The following MYBPC1 variants were observed in gnomAD, a reference collection of about 807,000 sequenced individuals.
MYBPC1 encodes the protein myosin-binding protein C, slow-type.
In MYBPC1, 52 loss-of-function variants were observed where a neutral mutation model predicts 147.1. The ratio of observed to expected loss-of-function variants is 0.35; its 90% CI spans 0.28 to 0.45. MYBPC1 has a LOEUF of 0.45. MYBPC1 is among the 20% of genes least tolerant of loss of function. The pLI is 1.00. For synonymous variants in MYBPC1, 477 were observed against 475.9 expected (o/e 1.00, Z -0.03); for missense variants, 1,228 against 1,440.3 (o/e 0.85, Z 2.39).
In MYBPC1 at chr12:101,667,715, T is replaced by C. The variant is rs1897748834; in HGVS notation, c.2357-17T>C. Reference sequence around the variant, plus strand: ...ACAGCATTCCTCCTTCTTTTCCTTTTCTTTTACGGACTTCAGCTGAGGACT... The same window carrying C: ...ACAGCATTCCTCCTTCTTTTCCTTTCCTTTTACGGACTTCAGCTGAGGACT... On this transcript the variant is annotated splice_polypyrimidine_tract_variant and intron_variant, in intron 22 of 31. Coordinates refer to ENST00000361466, the MANE Select transcript of MYBPC1 (RefSeq NM_002465.4). 6.2e-7 allele frequency: 1 copy of C among 1,614,152 alleles called. No individual in the cohort carries two copies. Among genetic ancestry groups the C allele is most frequent in the Non-Finnish European group, 8.5e-7 (1 of 1,180,002 alleles).
At position 101,627,921 on chromosome 12, in the gene MYBPC1, G is replaced by C. The variant is rs1420794599; in HGVS notation, c.178+117G>C. 1.2e-5 allele frequency: 15 copies of C among 1,214,540 alleles called. No individual in the cohort carries two copies. The Admixed American group carries it at 2.4e-4, about 19-fold the overall frequency. 75.2% of individuals were successfully genotyped at this position (1,214,540 alleles called of 1,614,324 possible). A position where few individuals can be genotyped will look rare whatever the true frequency, so the allele number is the denominator to read the frequency against. ...GTCTTATTCAGATTGTAGTTTTTAC[G>C]GCAATCTTTCATTACGTTTCCTCTT... On this transcript the variant is annotated intron_variant, in intron 5 of 31. Transcript: ENST00000361466.
intron 2 of MYBPC1, among the ~76,000 whole-genome samples, chr12:101,616,773 T>C (rs768559392): frequency 6.6e-6 from 1 of 152,252 alleles, no homozygotes; most frequent in Non-Finnish European, 1.5e-5. Context: ...TTTTGTACTT[T>C]ACTAGAAAAT....
intron 11 of MYBPC1, among the ~76,000 whole-genome samples, chr12:101,642,897 A>G (rs1417407668): frequency 6.6e-6 from 1 of 152,158 alleles, no homozygotes; most frequent in Non-Finnish European, 1.5e-5. Context: ...TTACTTAAGC[A>G]GAGTGGACTC....
chr12:101,639,861 GGT>G (rs1891688747), intron 10 of MYBPC1, among the ~76,000 whole-genome samples: 1 of 151,582 alleles, frequency 6.6e-6, no homozygotes, highest in African/African-American at 2.4e-5. Flanking sequence ...AATTCTTCAT[GGT>G]TCAAATACAA....
intron 11 of MYBPC1, among the ~76,000 whole-genome samples, chr12:101,643,966 G>A (rs1193170762): frequency 5.9e-5 from 9 of 152,192 alleles, no homozygotes; most frequent in Admixed American, 5.9e-4. Context: ...CTGTGACTTA[G>A]AAGGAGTGCA....
intron 25 of MYBPC1, among the ~76,000 whole-genome samples, chr12:101,674,862 CAAA>C (rs62824364): frequency 5.3e-4 from 32 of 59,842 alleles, no homozygotes; most frequent in Middle Eastern, 0.014. Flanking sequence ...ACTCTGTCTC[CAAA>C]AAAAAAAAAA....
chr12:101,683,461 A>G (rs747633023), intron 30 of MYBPC1, among the ~76,000 whole-genome samples: 52 of 152,190 alleles, frequency 3.4e-4, no homozygotes, highest in Non-Finnish European at 5.6e-4. Flanking sequence ...GGAAACTTAC[A>G]TATTTAAAAT....
chr12:101,694,078 C>T, the MYBPC1 span, among the ~76,000 whole-genome samples: 1 of 152,180 alleles, frequency 6.6e-6, no homozygotes, highest in Non-Finnish European at 1.5e-5. Context: ...TGCCATGTAG[C>T]CCTACCATGC....
chr12:101,677,540 T>A, intron 27 of MYBPC1, 146 bp downstream of exon 27: 1 of 998,130 alleles, frequency 1.0e-6, no homozygotes, highest in Non-Finnish European at 1.5e-6. Flanking sequence ...AGTAAAATTT[T>A]AATTTTACAG....
At chr12:101,666,890 TACATACACACAC>T (rs1272624055) in intron 22 of MYBPC1, 1 of 462,840 alleles carries the variant, frequency 2.2e-6, no homozygotes, top group African/African-American at 2.2e-5. Context: ...ACTCATCACA[TACATACACACAC>T]ACACACACAC....
At position 101,658,087 on chromosome 12, in the gene MYBPC1, C is replaced by T. The variant is rs377001162; in HGVS notation, c.1768-1585C>T. 5.4e-5 allele frequency among the ~76,000 whole-genome samples: 8 copies of T among 147,566 alleles called. No individual in the cohort carries two copies. In the South Asian group the frequency reaches 6.4e-4, roughly 12 times the overall value. On this transcript the variant is annotated intron_variant, in intron 18 of 31. Coordinates refer to ENST00000361466, the MANE Select transcript of MYBPC1 (RefSeq NM_002465.4). ...CGGAGCTTGCAGTGAGCCGAGATCG[C>T]GCCAACACACTCCAGCCTGGGCGAC... is the stretch of plus-strand genomic sequence containing the variant.
intron 28 of MYBPC1, among the ~76,000 whole-genome samples, chr12:101,678,731 G>T (rs1485017721): frequency 6.6e-6 from 1 of 152,220 alleles, no homozygotes; most frequent in Non-Finnish European, 1.5e-5. Context: ...AAGGTTTCAT[G>T]TTTGCATTTG....
intron 22 of MYBPC1, among the ~76,000 whole-genome samples, chr12:101,667,151 C>T (rs1450777643): frequency 6.6e-6 from 1 of 152,216 alleles, no homozygotes; most frequent in Admixed American, 6.5e-5. Flanking sequence ...ATTCTACCAA[C>T]TCCTTATGAG....
At chr12:101,679,461 C>T (rs375878759) in intron 28 of MYBPC1, among the ~76,000 whole-genome samples, 1 of 152,116 alleles carries the variant, frequency 6.6e-6, no homozygotes, top group Non-Finnish European at 1.5e-5. Flanking sequence ...AAGGTGCCAT[C>T]TCTAGGTTCT....
intron 6 of MYBPC1, among the ~76,000 whole-genome samples, chr12:101,629,814 A>T (rs1889499878): frequency 6.6e-6 from 1 of 152,038 alleles, no homozygotes; most frequent in Non-Finnish European, 1.5e-5. Flanking sequence ...CGGAGGTTGC[A>T]GTGAACCGAG....
intron 12 of MYBPC1, among the ~76,000 whole-genome samples, chr12:101,646,179 T>A (rs1166943004): frequency 6.6e-6 from 1 of 152,122 alleles, no homozygotes; most frequent in Non-Finnish European, 1.5e-5. Flanking sequence ...ATAGCAAATA[T>A]GTGAGTACTG....
intron 17 of MYBPC1, 96 bp downstream of exon 17, chr12:101,652,880 T>A: frequency 8.4e-7 from 1 of 1,185,124 alleles, no homozygotes; most frequent in East Asian, 2.4e-5. Flanking sequence ...AAGTGACATT[T>A]AAGGAAAAAT....
intron 22 of MYBPC1, among the ~76,000 whole-genome samples, chr12:101,665,238 C>T (rs17031794): frequency 0.027 from 4,145 of 152,044 alleles, 201 homozygotes; most frequent in African/African-American, 0.094. Flanking sequence ...TATATTTTGC[C>T]GAGTAACGTT....
At chr12:101,688,682 T>C (rs1951381232), downstream of MYBPC1, among the ~76,000 whole-genome samples, 1 of 140,100 alleles carries the variant, frequency 7.1e-6, no homozygotes. Context: ...TACTTGAGGC[T>C]GGGTGTGGTG....
Sources: allele counts gnomAD v4.1 joint callset (sites outside exome capture counted in the v4.1 genomes callset), GRCh38; gene constraint gnomAD v4.1.1; transcripts MANE v1.5; gene names NCBI Gene and HGNC (gene_info 2026-07-23, HGNC 2026-07-21).